PTPRN2: variants seen among roughly 807,000 people sequenced by gnomAD.
The protein encoded by PTPRN2 is protein tyrosine phosphatase receptor type N2.
Under a neutral mutation model 118.8 loss-of-function variants are expected in PTPRN2, and 74 were observed. The observed-to-expected ratio is 0.62, with a 90% confidence interval of 0.52 to 0.76. The LOEUF is 0.76. PTPRN2 is among the 30% of genes least tolerant of loss of function. The probability of loss-of-function intolerance (pLI) is 0.00; values close to 1 mark genes in which losing one functional copy is unlikely to be tolerated. For synonymous variants in PTPRN2, 641 were observed against 608.0 expected (o/e 1.05, Z -0.80); for missense variants, 1,481 against 1,394.4 (o/e 1.06, Z -0.99).
intron 11 of PTPRN2, among the ~76,000 whole-genome samples, chr7:157,988,464 AG>A (rs959015183): frequency 1.3e-5 from 2 of 152,202 alleles, no homozygotes; most frequent in Admixed American, 6.5e-5. Flanking sequence ...GCCCCACAGG[AG>A]GGTTCCCTGT....
intron 10 of PTPRN2, among the ~76,000 whole-genome samples, chr7:158,087,324 G>T (rs1363234093): frequency 6.6e-6 from 1 of 152,228 alleles, no homozygotes; most frequent in Non-Finnish European, 1.5e-5. Context: ...CCTGGACCGT[G>T]CAGTGAAGAT....
rs73744862 is a variant in PTPRN2 at position 157,740,012 on chromosome 7, G to T, written c.1789-57075C>A. Reference sequence around the variant, plus strand: ...GTATGGAGTTTCCACTTTTAGCACAGCTGGATCTTTTCATTAATTTTTTTA... The same window carrying T: ...GTATGGAGTTTCCACTTTTAGCACATCTGGATCTTTTCATTAATTTTTTTA... On this transcript the variant is annotated intron_variant, in intron 12 of 22. Coordinates refer to ENST00000389418, the MANE Select transcript of PTPRN2 (RefSeq NM_002847.5). 1.6e-3 allele frequency among the ~76,000 whole-genome samples: 239 copies of T among 152,350 alleles called. 2 individuals carry two copies. Among genetic ancestry groups the T allele is most frequent in the African/African-American group, 5.6e-3 (232 of 41,580 alleles).
chr7:158,197,043 C>G (rs111637606), intron 4 of PTPRN2, among the ~76,000 whole-genome samples: 1 of 151,838 alleles, frequency 6.6e-6, no homozygotes, highest in African/African-American at 2.4e-5. Context: ...TGTGTGTGTG[C>G]GTGTGCATGT....
chr7:158,305,181 A>G (rs182364444), intron 3 of PTPRN2, among the ~76,000 whole-genome samples: 1 of 152,314 alleles, frequency 6.6e-6, no homozygotes, highest in East Asian at 1.9e-4. Flanking sequence ...GGTTTACTTT[A>G]GAGTGCCCTT....
At chr7:157,597,652 G>A (rs557813535) in intron 16 of PTPRN2, among the ~76,000 whole-genome samples, 63 of 152,354 alleles carry the variant, frequency 4.1e-4, no homozygotes, top group African/African-American at 1.4e-3. Context: ...TTAGGTCTGA[G>A]TTGTTAAGGT....
At chr7:158,171,252 C>CATATATAT (rs1823602646) in intron 5 of PTPRN2, among the ~76,000 whole-genome samples, 1 of 133,330 alleles carries the variant, frequency 7.5e-6, no homozygotes, top group African/African-American at 2.9e-5. Context: ...CATATATACA[C>CATATATAT]ACATATATAT....
intron 2 of PTPRN2, among the ~76,000 whole-genome samples, chr7:158,333,428 TAA>T (rs1341054598): frequency 2.1e-5 from 3 of 145,324 alleles, no homozygotes; most frequent in Non-Finnish European, 3.0e-5. Context: ...ACTGTCACCA[TAA>T]GAGGTGACAC....
Position 158,344,454 on chromosome 7 carries a change from G to A in PTPRN2, c.164-27522C>T, listed in dbSNP as rs112504310. 5.5e-3 allele frequency among the ~76,000 whole-genome samples: 844 copies of A among 152,278 alleles called. 10 individuals carry two copies. Among genetic ancestry groups the A allele is most frequent in the African/African-American group, 0.019 (801 of 41,558 alleles). ...CCAAACTGAAGACACATAATTTCCT[G>A]TTAAATTAACACTTGCAACGCCTTG... On this transcript the variant is annotated intron_variant, in intron 2 of 22. Coordinates refer to ENST00000389418, the MANE Select transcript of PTPRN2 (RefSeq NM_002847.5).
intron 3 of PTPRN2, among the ~76,000 whole-genome samples, chr7:158,300,736 T>C (rs1308237774): frequency 6.6e-6 from 1 of 151,960 alleles, no homozygotes; most frequent in Admixed American, 6.6e-5. Flanking sequence ...CTCACATTGC[T>C]TTCCCACATA....
chr7:158,329,489 C>T (rs1803952814), intron 2 of PTPRN2, among the ~76,000 whole-genome samples: 1 of 152,108 alleles, frequency 6.6e-6, no homozygotes, highest in Non-Finnish European at 1.5e-5. Context: ...TACACAGGCC[C>T]CAAGGACGGC....
In PTPRN2 at chr7:158,070,791, G is replaced by A. The variant is rs562014110; in HGVS notation, c.1723+10507C>T. 3.1e-4 allele frequency among the ~76,000 whole-genome samples: 40 copies of A among 130,618 alleles called. 5 individuals are homozygous for A. Among genetic ancestry groups the A allele is most frequent in the African/African-American group, 1.1e-3 (35 of 30,450 alleles). 85.7% of individuals were successfully genotyped at this position (130,618 alleles called of 152,430 possible). ...TGCTCATGGTGGAGGTGCCCGTGGT[G>A]GTGGAGGTGCCCGTGGTGGTGAAGG... is the stretch of plus-strand genomic sequence containing the variant. On this transcript the variant is annotated intron_variant, in intron 11 of 22. Transcript: ENST00000389418.
chr7:157,864,229 G>C (rs933906067), intron 12 of PTPRN2: 1 of 152,032 alleles, frequency 6.6e-6, no homozygotes, highest in Non-Finnish European at 1.5e-5. Flanking sequence ...CTGGCCTAAG[G>C]CTCACTGGGC....
At chr7:158,025,270 C>A (rs1359041004) in intron 11 of PTPRN2, among the ~76,000 whole-genome samples, 1 of 152,114 alleles carries the variant, frequency 6.6e-6, no homozygotes, top group Non-Finnish European at 1.5e-5. Flanking sequence ...AGTTGATGTA[C>A]CCTCATCTGC....
chr7:158,337,003 A>T (rs1805707894), intron 2 of PTPRN2, among the ~76,000 whole-genome samples: 1 of 100,640 alleles, frequency 9.9e-6, no homozygotes, highest in Non-Finnish European at 2.2e-5. Context: ...ACTCACACCC[A>T]CACTCTCACC....
intron 10 of PTPRN2, among the ~76,000 whole-genome samples, chr7:158,108,599 C>T (rs980069654): frequency 4.6e-5 from 7 of 152,280 alleles, no homozygotes; most frequent in South Asian, 2.1e-4. Flanking sequence ...ACCCTAGGAA[C>T]GGTGTGGGCC....
intron 12 of PTPRN2, among the ~76,000 whole-genome samples, chr7:157,691,685 A>G (rs1379826095): frequency 6.6e-6 from 1 of 152,170 alleles, no homozygotes; most frequent in Non-Finnish European, 1.5e-5. Flanking sequence ...CCCCCTACCC[A>G]GGTCAATGGT....
chr7:157,984,436 CG>C (rs2128835430), intron 11 of PTPRN2, among the ~76,000 whole-genome samples: 3 of 56,096 alleles, frequency 5.3e-5, no homozygotes, highest in African/African-American at 8.2e-5. Context: ...CCAGGCTCCA[CG>C]CCAGGCTCCA....
Position 157,656,442 on chromosome 7 carries a change from C to T in PTPRN2, c.2111G>A (p.Ser704Asn), listed in dbSNP as rs148665297. 5.1e-6 allele frequency: 8 copies of T among 1,554,216 alleles called. No individual in the cohort carries two copies. The African/African-American group carries it at 8.2e-5, about 16-fold the overall frequency. Residue 704 changes from serine to asparagine, a missense_variant, in exon 14 of 23, where the codon AGC becomes AAC. Ser to Asn is a conservative substitution (Grantham distance 46). This residue lies in a region of PTPRN2 where 1,115 missense variants were observed against 994.2 expected (regional missense o/e 1.12). Transcript: ENST00000389418. The stretch of plus-strand genomic sequence containing the variant: ...TGAGGCGCTGCTGCGTGCGGAGGGG[C>T]TGGGGATCGGCCCGTCGCTGAACTG... Reference protein sequence around the residue: ...SSQFSDGPIPSPSARSSASSW... With the variant: ...SSQFSDGPIPNPSARSSASSW...
chr7:158,260,918 A>G (rs564139083), intron 3 of PTPRN2, among the ~76,000 whole-genome samples: 1 of 152,196 alleles, frequency 6.6e-6, no homozygotes, highest in East Asian at 1.9e-4. Context: ...ATGTCTCAGG[A>G]GAGACAGGGG....
Sources: gnomAD v4.1 joint callset for allele counts (sites outside exome capture counted in the v4.1 genomes callset) on GRCh38, gnomAD v4.1.1 for gene constraint, gnomAD v4.1.1 regional missense constraint, MANE v1.5 for transcripts, NCBI Gene and HGNC (gene_info 2026-07-23, HGNC 2026-07-21) for gene names.